Variants in AUTS2 observed in about 807,000 individuals in gnomAD.
AUTS2 encodes activator of transcription and developmental regulator AUTS2, also known as autism susceptibility gene 2 protein.
A neutral mutation model predicts 112.4 loss-of-function variants in AUTS2; 17 were observed. The observed-to-expected ratio is 0.15, with a 90% CI of 0.10 to 0.23. AUTS2 has a LOEUF of 0.23. Ranked by LOEUF, AUTS2 falls within the 10% of genes least tolerant of loss-of-function variation. The pLI, the probability that AUTS2 is intolerant of heterozygous loss-of-function variation, is 1.00. For missense variants in AUTS2, 1,510 were observed against 1,701.6 expected (o/e 0.89, Z 1.98); for synonymous variants, 751 against 702.7 (o/e 1.07, Z -1.09).
chr7:69,723,898 T>A (rs2129219881), intron 1 of AUTS2, among the ~76,000 whole-genome samples: 1 of 152,148 alleles, frequency 6.6e-6, no homozygotes, highest in Admixed American at 6.5e-5. Flanking sequence ...CAACAGAAAG[T>A]CAAGCCAAGC....
intron 4 of AUTS2, among the ~76,000 whole-genome samples, chr7:70,222,225 C>A (rs999737092): frequency 6.6e-6 from 1 of 152,098 alleles, no homozygotes; most frequent in Admixed American, 6.5e-5. Flanking sequence ...ACTAAGACAG[C>A]GAATAAAATA....
At chr7:69,843,184 G>A (rs1792055102) in intron 1 of AUTS2, among the ~76,000 whole-genome samples, 1 of 152,158 alleles carries the variant, frequency 6.6e-6, no homozygotes, top group South Asian at 2.1e-4. Flanking sequence ...AAGTCAGGTA[G>A]ACTTCAGCTC....
At position 70,435,790 on chromosome 7, in the gene AUTS2, C is replaced by T. The variant is rs530657911; in HGVS notation, c.690+9C>T. The T allele has an allele frequency of 9.7e-5, 157 of 1,613,652 alleles. 2 individuals carry two copies. In the South Asian group the frequency reaches 1.6e-3, roughly 17 times the overall value. On this transcript the variant is annotated intron_variant, in intron 5 of 18. Coordinates refer to ENST00000342771, the MANE Select transcript of AUTS2 (RefSeq NM_015570.4). ...GTGACCAGGAAGAGAAGGTAAGACC[C>T]CCCCTCCCCCATTGTGGGCACAGCA... is the stretch of plus-strand genomic sequence containing the variant.
intron 6 of AUTS2, among the ~76,000 whole-genome samples, chr7:70,744,776 C>G (rs1482483767): frequency 6.6e-6 from 1 of 152,172 alleles, no homozygotes; most frequent in African/African-American, 2.4e-5. Context: ...GTGAGCCCCC[C>G]TTGGCAGCCA....
intron 2 of AUTS2, among the ~76,000 whole-genome samples, chr7:69,950,497 A>G (rs1262475882): frequency 6.6e-6 from 1 of 152,180 alleles, no homozygotes; most frequent in Non-Finnish European, 1.5e-5. Context: ...ATGAAATAAT[A>G]TGTTGGGAGA....
At chr7:70,627,580 C>T (rs984947625) in intron 5 of AUTS2, among the ~76,000 whole-genome samples, 7 of 152,232 alleles carry the variant, frequency 4.6e-5, no homozygotes, top group Non-Finnish European at 8.8e-5. Context: ...TCTGCCAACA[C>T]TCAATCACAA....
At chr7:70,179,307 T>C (rs1809173445) in intron 4 of AUTS2, among the ~76,000 whole-genome samples, 1 of 152,246 alleles carries the variant, frequency 6.6e-6, no homozygotes, top group African/African-American at 2.4e-5. Context: ...AGTGGTTTAT[T>C]TCTCAGGCCC....
At chr7:69,933,307 A>G (rs1408149178) in intron 2 of AUTS2, among the ~76,000 whole-genome samples, 4 of 152,236 alleles carry the variant, frequency 2.6e-5, no homozygotes, top group African/African-American at 9.6e-5. Context: ...ACATGTATAT[A>G]TTTAGATATA....
In AUTS2 at chr7:70,128,440, TA is replaced by T. The variant is rs1269492625; in HGVS notation, c.625-6094del. ...GAAGGGCGGGAGTTTGTTGCTACTT[TA>T]ACTAGTGTGATTAGATAAGGCCTTT... On this transcript the variant is annotated intron_variant, in intron 3 of 18. Coordinates refer to ENST00000342771, the MANE Select transcript of AUTS2 (RefSeq NM_015570.4). Among the ~76,000 whole-genome samples the T allele has an allele frequency of 2.6e-5, 4 of 152,292 alleles. No individual in the cohort carries two copies. The East Asian group carries it at 7.7e-4, about 29-fold the overall frequency.
chr7:69,850,302 C>A (rs28879788), intron 1 of AUTS2, among the ~76,000 whole-genome samples: 13,891 of 142,466 alleles, frequency 0.098, 1,030 homozygotes, highest in African/African-American at 0.21. Flanking sequence ...CTCAAAAAAA[C>A]AAAAACAAAA....
rs541347488 is a variant in AUTS2, at chr7:70,780,001, C to T, written c.2005-1614C>T. Among the ~76,000 whole-genome samples, 6 of 149,970 alleles carry T rather than the reference C, an allele frequency of 4.0e-5. No individual in the cohort carries two copies. In the East Asian group the frequency reaches 7.8e-4, roughly 19 times the overall value. ...CTGCATTTCAGTCTGGGCAAAAGAG[C>T]GAGACCCTATCTATCTCATCTCTTT... On this transcript the variant is annotated intron_variant, in intron 14 of 18. Transcript: ENST00000342771.
intron 1 of AUTS2, among the ~76,000 whole-genome samples, chr7:69,664,338 C>T (rs1795934161): frequency 6.6e-6 from 1 of 152,100 alleles, no homozygotes; most frequent in Non-Finnish European, 1.5e-5. Context: ...TATTTTGTGT[C>T]ACATATTAGC....
At chr7:70,065,000 AAATGAATG>A (rs1212031577) in intron 2 of AUTS2, among the ~76,000 whole-genome samples, 1 of 152,204 alleles carries the variant, frequency 6.6e-6, no homozygotes, top group Admixed American at 6.5e-5. Flanking sequence ...ATTGTTGAAT[AAATGAATG>A]AATGAATGAC....
chr7:69,600,538 CTTTTTT>C (rs370612172), intron 1 of AUTS2, among the ~76,000 whole-genome samples: 1 of 85,546 alleles, frequency 1.2e-5, no homozygotes. Context: ...CCCCCATATT[CTTTTTT>C]TTTTTTTTTT....
chr7:70,514,733 C>T (rs1799345893), intron 5 of AUTS2, among the ~76,000 whole-genome samples: 1 of 152,320 alleles, frequency 6.6e-6, no homozygotes, highest in South Asian at 2.1e-4. Flanking sequence ...GCCAGTTGCT[C>T]TGCGGTGGTT....
intron 1 of AUTS2, among the ~76,000 whole-genome samples, chr7:69,773,324 G>T (rs1015425374): frequency 2.6e-5 from 4 of 152,090 alleles, no homozygotes; most frequent in Non-Finnish European, 4.4e-5. Flanking sequence ...TTCAAGACCA[G>T]CCTGGCCAAC....
At chr7:70,128,274 A>G (rs1198175058) in intron 3 of AUTS2, among the ~76,000 whole-genome samples, 2 of 152,322 alleles carry the variant, frequency 1.3e-5, no homozygotes, top group East Asian at 1.9e-4. Flanking sequence ...TTCATCAGGT[A>G]TAGTCTGGGC....
chr7:70,151,294 A>G (rs117072464), intron 4 of AUTS2, among the ~76,000 whole-genome samples: 1,792 of 152,240 alleles, frequency 0.012, 18 homozygotes, highest in Non-Finnish European at 0.016. Flanking sequence ...ATCCAGAAGG[A>G]TTAGAGGCAA....
At chr7:69,862,412 T>C (rs1382746751) in intron 1 of AUTS2, among the ~76,000 whole-genome samples, 2 of 152,182 alleles carry the variant, frequency 1.3e-5, no homozygotes, top group Non-Finnish European at 2.9e-5. Flanking sequence ...GGGGGAGGGT[T>C]GTTCCTCTAG....
Sources: gnomAD v4.1 joint callset for allele counts (sites outside exome capture counted in the v4.1 genomes callset) on GRCh38, gnomAD v4.1.1 for gene constraint, MANE v1.5 for transcripts, NCBI Gene and HGNC (gene_info 2026-07-23, HGNC 2026-07-21) for gene names.